SATB2: variants seen among roughly 807,000 people sequenced by gnomAD.
The protein encoded by SATB2 is DNA-binding protein SATB2.
SATB2 carries 1 observed loss-of-function variant against 73.4 expected under a neutral mutation model. The observed-to-expected ratio is 0.01, with a 90% confidence interval of 0.00 to 0.06. SATB2 has a LOEUF of 0.06. SATB2 is among the 10% of genes least tolerant of loss of function. SATB2 has a pLI of 1.00. For synonymous variants in SATB2, 397 were observed against 367.0 expected (o/e 1.08, Z -0.93); for missense variants, 459 against 945.8 (o/e 0.49, Z 6.75).
chr2:199,423,877 C>G (rs1407281459), intron 3 of SATB2: 1 of 152,128 alleles, frequency 6.6e-6, no homozygotes, highest in African/African-American at 2.4e-5. Flanking sequence ...AGGAGATTTT[C>G]AGCATCCTAT....
intron 5 of SATB2, among the ~76,000 whole-genome samples, chr2:199,373,607 C>T (rs2066233483): frequency 6.6e-6 from 1 of 152,154 alleles, no homozygotes; most frequent in African/African-American, 2.4e-5. Context: ...ATATTGTCTC[C>T]TGCATCAGAG....
intron 10 of SATB2, among the ~76,000 whole-genome samples, chr2:199,289,248 G>A (rs991398876): frequency 1.3e-5 from 2 of 152,088 alleles, no homozygotes; most frequent in South Asian, 2.1e-4. Context: ...CAGGTATATC[G>A]GGTGAGAAGT....
intron 9 of SATB2, 57 bp from the exon 10 acceptor site, chr2:199,309,014 G>T: frequency 1.4e-6 from 2 of 1,385,732 alleles, no homozygotes; most frequent in Non-Finnish European, 2.0e-6. Flanking sequence ...AGCTGAGGGG[G>T]CCTTGACTGC....
intron 5 of SATB2, chr2:199,368,974 A>T: frequency 3.2e-6 from 1 of 311,496 alleles, no homozygotes; most frequent in Non-Finnish European, 6.0e-6. Flanking sequence ...AAATGCAAAG[A>T]GGAAGAACAG....
rs562179181 is a variant in SATB2 at position 199,403,757 on chromosome 2, A to G, written c.347-21937T>C. Among the ~76,000 whole-genome samples the G allele has an allele frequency of 2.6e-5, 4 of 152,350 alleles. No individual in the cohort carries two copies. The South Asian group carries it at 8.3e-4, about 32-fold the overall frequency. On this transcript the variant is annotated intron_variant, in intron 3 of 10. Coordinates refer to ENST00000417098, the MANE Select transcript of SATB2 (RefSeq NM_001172509.2). Reference sequence around the variant, plus strand: ...ATGAACAGTTATAATGTTGCCTAAAAGGATATTAAGCAAGAAAGCCTTGAT... The same window carrying G: ...ATGAACAGTTATAATGTTGCCTAAAGGGATATTAAGCAAGAAAGCCTTGAT...
At chr2:199,289,771 T>C (rs1048942621) in intron 10 of SATB2, among the ~76,000 whole-genome samples, 6 of 152,032 alleles carry the variant, frequency 3.9e-5, no homozygotes, top group African/African-American at 1.4e-4. Flanking sequence ...CATCTGAGAG[T>C]TCTCACTGAC....
In SATB2 at chr2:199,308,564, G is replaced by A. The variant is rs773236285; in HGVS notation, c.1740+196C>T. Among the ~76,000 whole-genome samples, 3 of 150,964 alleles carry A rather than the reference G, an allele frequency of 2.0e-5. No homozygotes were observed. Among genetic ancestry groups the A allele is most frequent in the Non-Finnish European group, 4.4e-5 (3 of 67,902 alleles). ...TGTGTGTGCATACACACACACACAC[G>A]CACGCACATGCACACACACACACAT... On this transcript the variant is annotated intron_variant, in intron 10 of 10. Transcript: ENST00000417098. The surrounding 1 kb of genome is among the most constrained non-coding windows in gnomAD (Gnocchi z 4.6).
intron 6 of SATB2, among the ~76,000 whole-genome samples, chr2:199,365,731 A>G (rs1198566947): frequency 2.0e-5 from 3 of 152,058 alleles, no homozygotes; most frequent in African/African-American, 7.2e-5. Flanking sequence ...CAAATTATTG[A>G]TTGTTCATTT....
intron 3 of SATB2, among the ~76,000 whole-genome samples, chr2:199,386,026 G>C (rs768797754): frequency 6.6e-6 from 1 of 152,108 alleles, no homozygotes; most frequent in Non-Finnish European, 1.5e-5. Flanking sequence ...AAACTTAAGG[G>C]ACAATAGATC....
intron 2 of SATB2, among the ~76,000 whole-genome samples, chr2:199,439,978 G>A (rs1443838522): frequency 6.6e-6 from 1 of 152,070 alleles, no homozygotes; most frequent in Non-Finnish European, 1.5e-5. Context: ...GGTGGCAGGC[G>A]CCTGTAATCC....
chr2:199,452,780 T>C (rs928507076), intron 2 of SATB2, among the ~76,000 whole-genome samples: 15 of 152,148 alleles, frequency 9.9e-5, no homozygotes, highest in Admixed American at 6.5e-4. Context: ...CTTTTTTTTT[T>C]CCTAAGGACC....
intron 3 of SATB2, among the ~76,000 whole-genome samples, chr2:199,417,036 T>TCACACACA (rs55763647): frequency 3.0e-4 from 43 of 144,270 alleles, no homozygotes; most frequent in East Asian, 6.3e-4. Flanking sequence ...ACTCCGTCTC[T>TCACACACA]CACACACACA....
chr2:199,298,529 C>T (rs1037474564), intron 10 of SATB2, among the ~76,000 whole-genome samples: 2 of 152,144 alleles, frequency 1.3e-5, no homozygotes, highest in Non-Finnish European at 2.9e-5. Flanking sequence ...TTAAGTAAGA[C>T]AGTCCAAAAT....
At chr2:199,305,220 T>C (rs1012305350) in intron 10 of SATB2, among the ~76,000 whole-genome samples, 1 of 152,078 alleles carries the variant, frequency 6.6e-6, no homozygotes, top group Non-Finnish European at 1.5e-5. Flanking sequence ...GGACAGTAAG[T>C]GTGTGCCCTG....
At chr2:199,324,199 C>T (rs888391619) in intron 8 of SATB2, among the ~76,000 whole-genome samples, 1 of 152,118 alleles carries the variant, frequency 6.6e-6, no homozygotes, top group African/African-American at 2.4e-5. Flanking sequence ...CGAAGGTTCA[C>T]AGGTAGGATG....
chr2:199,280,959 G>A lies in SATB2; in HGVS notation c.1741-8287C>T, dbSNP rs569952637. On this transcript the variant is annotated intron_variant, in intron 10 of 10. Coordinates refer to ENST00000417098, the MANE Select transcript of SATB2 (RefSeq NM_001172509.2). The stretch of plus-strand genomic sequence containing the variant: ...ACTAATAAAAACTTGCTGGTTTTGC[G>A]GCTTGTGGGGCATCAGGGAACCTGC... Among the ~76,000 whole-genome samples, 43 of 152,154 alleles carry A rather than the reference G, an allele frequency of 2.8e-4. No homozygotes were observed. In the South Asian group the frequency reaches 3.1e-3, roughly 11 times the overall value.
chr2:199,430,086 G>T (rs1258464742), intron 3 of SATB2, among the ~76,000 whole-genome samples: 3 of 152,258 alleles, frequency 2.0e-5, no homozygotes, highest in African/African-American at 7.2e-5. Flanking sequence ...CTGCCAATAT[G>T]AATGAATAGC....
intron 3 of SATB2, among the ~76,000 whole-genome samples, chr2:199,418,821 A>G (rs1691077646): frequency 6.6e-6 from 1 of 152,172 alleles, no homozygotes. Context: ...TGCAAAAGAG[A>G]CTATGATCTG....
intron 7 of SATB2, among the ~76,000 whole-genome samples, chr2:199,341,796 C>T (rs1688513260): frequency 6.6e-6 from 1 of 152,166 alleles, no homozygotes; most frequent in African/African-American, 2.4e-5. Context: ...TGGCGTGGAC[C>T]TATAATCTGG....
Sources: allele counts gnomAD v4.1 joint callset (sites outside exome capture counted in the v4.1 genomes callset), GRCh38; gene constraint gnomAD v4.1.1; non-coding constraint Gnocchi (gnomAD v3.1); transcripts MANE v1.5; gene names NCBI Gene and HGNC (gene_info 2026-07-23, HGNC 2026-07-21).